CCN2: variants seen among roughly 807,000 people sequenced by gnomAD.
CCN2 encodes cellular communication network factor 2, also known as CCN family member 2.
In CCN2, 22 loss-of-function variants were observed where a neutral mutation model predicts 33.2. The observed-to-expected ratio is 0.66, with a 90% CI of 0.47 to 0.95. The LOEUF is 0.95. Ranked by LOEUF, CCN2 falls within the 40% of genes least tolerant of loss-of-function variation. The pLI is 0.00. For missense variants in CCN2, 469 were observed against 498.8 expected (o/e 0.94, Z 0.57); for synonymous variants, 178 against 200.6 (o/e 0.89, Z 0.95).
chr6:131,949,884 C>T (rs1783076217), intron 4 of CCN2, 65 bp downstream of exon 4: 1 of 1,488,466 alleles, frequency 6.7e-7, no homozygotes, highest in Non-Finnish European at 9.3e-7. Flanking sequence ...GTGGCAAGAG[C>T]CCTAAGTTGG....
rs1412863872 is a variant in CCN2, at chr6:131,950,585, G to A, written c.290-42C>T. The A allele has an allele frequency of 1.3e-6, 2 of 1,599,378 alleles. No individual in the cohort carries two copies. The highest frequency in any genetic ancestry group is 8.5e-7 in the Non-Finnish European group (1 of 1,171,754). On this transcript the variant is annotated intron_variant, in intron 2 of 4. Coordinates refer to ENST00000367976, the MANE Select transcript of CCN2 (RefSeq NM_001901.4). This position sits in a 1 kb window ranked among gnomAD's most constrained non-coding sequence, Gnocchi z 7.1. Reference sequence around the variant, plus strand: ...GAAGAGAGGGGTGGGGGATGCAGAGGTCAGGCATTGGGGCACTCTCACATC... The same window carrying A: ...GAAGAGAGGGGTGGGGGATGCAGAGATCAGGCATTGGGGCACTCTCACATC...
rs1562204322 is a variant in CCN2 at position 131,950,154 on chromosome 6, CG to C, written c.547del (p.Arg183AspfsTer12). 6.2e-7 allele frequency: 1 copy of C among 1,614,194 alleles called. No individual in the cohort carries two copies. The part of the protein sequence containing the change: ...TVVGPALAAY[R>X]LEDTFGPDPT... ...GTCTGGGCCAAACGTGTCTTCCAGT[CG>C]GTAAGCTGCGAGAGCAGAGCACACA... is the stretch of plus-strand genomic sequence containing the variant. On this transcript the variant is annotated frameshift_variant, in exon 4 of 5. Transcript: ENST00000367976. LOFTEE classifies it high-confidence loss of function. The surrounding 1 kb of genome is among the most constrained non-coding windows in gnomAD (Gnocchi z 7.1).
Position 131,949,150 on chromosome 6 carries a change from G to T in CCN2, c.*114C>A. 4 of 960,368 alleles carry T rather than the reference G, an allele frequency of 4.2e-6. No individual in the cohort carries two copies. The highest frequency in any genetic ancestry group is 6.3e-6 in the Non-Finnish European group (4 of 630,854). 59.5% of individuals were successfully genotyped at this position (960,368 alleles called of 1,614,324 possible). A position where few individuals can be genotyped will look rare whatever the true frequency, so the allele number is the denominator to read the frequency against. ...AATTGGGTGGGAATCTTTTCCCCCA[G>T]TTAGAAAAACAGATTTAAATAACTT... is the stretch of plus-strand genomic sequence containing the variant. On this transcript the variant is annotated 3_prime_UTR_variant, in exon 5 of 5. Transcript: ENST00000367976.
In CCN2 at chr6:131,949,576, GA is replaced by G; in HGVS notation, c.754-17del. 1 of 1,106,208 alleles carries G rather than the reference GA, an allele frequency of 9.0e-7. No homozygotes were observed. Among genetic ancestry groups the G allele is most frequent in the Non-Finnish European group, 1.3e-6 (1 of 786,632 alleles). The allele number at this position is 1,106,208 out of a possible 1,614,324, so 68.5% of individuals were successfully genotyped here. A position where few individuals can be genotyped will look rare whatever the true frequency, so the allele number is the denominator to read the frequency against. Reference sequence around the variant, plus strand: ...TTTTGCCCTTCTAAGGAAGACAAGGGAAAAGAGAGAGGAAAAAAAAAAATCA... The same window carrying G: ...TTTTGCCCTTCTAAGGAAGACAAGGGAAAGAGAGAGGAAAAAAAAAAATCA... On this transcript the variant is annotated splice_polypyrimidine_tract_variant and intron_variant, in intron 4 of 4. Transcript: ENST00000367976.
At position 131,950,267 on chromosome 6, in the gene CCN2, T is replaced by C. The variant is rs1410977985; in HGVS notation, c.541+25A>G. On this transcript the variant is annotated intron_variant, in intron 3 of 4. Transcript: ENST00000367976. This position sits in a 1 kb window ranked among gnomAD's most constrained non-coding sequence, Gnocchi z 7.1. ...CCTCCCTGGGAGAGAATCACGACCC[T>C]GACTTAGAGGAAGACTCGACTCACC... 1.9e-6 allele frequency: 3 copies of C among 1,610,948 alleles called. No individual in the cohort carries two copies. In the South Asian group the frequency reaches 3.3e-5, roughly 18 times the overall value.
chr6:131,949,639 T>C, intron 4 of CCN2, 79 bp from the exon 5 acceptor site: 1 of 1,314,976 alleles, frequency 7.6e-7, no homozygotes, highest in Non-Finnish European at 1.1e-6. Flanking sequence ...TTCAACCCTC[T>C]GTGTTTTAGT....
intron 4 of CCN2, among the ~76,000 whole-genome samples, 188 bp downstream of exon 4, chr6:131,949,761 T>G (rs1468332371): frequency 2.6e-5 from 4 of 152,198 alleles, no homozygotes; most frequent in African/African-American, 7.2e-5. Context: ...TAACTAACCC[T>G]GTGGAAGATT....
At chr6:131,951,055 C>T in intron 1 of CCN2, 52 bp downstream of exon 1, 5 of 1,277,472 alleles carry the variant, frequency 3.9e-6, no homozygotes, top group Non-Finnish European at 4.9e-6. Flanking sequence ...CCGGCCGGCC[C>T]CGAGTCCCTC....
rs780800899 is a variant in CCN2, at chr6:131,950,530, A to G, written c.303T>C (p.Ala101=). ...ACACCGTACCACCGAAGATGCAGGG[A>G]GCACCATCTTTGGCTGGAGAAGAGG... The part of the protein sequence containing the change: ...KIGVCTAKDG[A]PCIFGGTVYR... Residue 101 remains alanine (A), a synonymous_variant, in exon 3 of 5, where the codon GCT becomes GCC. Coordinates refer to ENST00000367976, the MANE Select transcript of CCN2 (RefSeq NM_001901.4). The surrounding 1 kb of genome is among the most constrained non-coding windows in gnomAD (Gnocchi z 7.1). 1.2e-6 allele frequency: 2 copies of G among 1,613,264 alleles called. No individual in the cohort carries two copies. The highest frequency in any genetic ancestry group is 2.2e-5 in the South Asian group (2 of 91,032).
Position 131,950,501 on chromosome 6 carries a change from C to G in CCN2, c.332G>C (p.Arg111Pro). The G allele has an allele frequency of 6.2e-7, 1 of 1,613,722 alleles. No homozygotes were observed. The highest frequency in any genetic ancestry group is 8.5e-7 in the Non-Finnish European group (1 of 1,179,998). ...APCIFGGTVY[R>P]SGESFQSSCK... ...GCTGCTCTGGAAGGACTCTCCGCTG[C>G]GGTACACCGTACCACCGAAGATGCA... Residue 111 changes from arginine (R) to proline (P), a missense_variant, in exon 3 of 5, where the codon CGC becomes CCC. Transcript: ENST00000367976. The surrounding 1 kb of genome is among the most constrained non-coding windows in gnomAD (Gnocchi z 7.1).
At chr6:131,949,713 C>A (rs979052682) in intron 4 of CCN2, among the ~76,000 whole-genome samples, 153 bp from the exon 5 acceptor site, 1 of 152,068 alleles carries the variant, frequency 6.6e-6, no homozygotes, top group Non-Finnish European at 1.5e-5. Flanking sequence ...TTTGCTATGT[C>A]CAAAAATAGC....
chr6:131,950,917 T>C lies in CCN2; in HGVS notation c.142A>G (p.Ser48Gly). The C allele has an allele frequency of 6.8e-7, 1 of 1,480,546 alleles. No homozygotes were observed. Among genetic ancestry groups the C allele is most frequent in the Non-Finnish European group, 8.9e-7 (1 of 1,125,330 alleles). The allele number at this position is 1,480,546 out of a possible 1,614,324, so 91.7% of individuals were successfully genotyped here. A position where few individuals can be genotyped will look rare whatever the true frequency, so the allele number is the denominator to read the frequency against. Reference sequence around the variant, plus strand: ...CAGCCGCAGCCGTCCAGCACGAGGCTCACGCCCGCCGGGCAGCGCGGCGCC... The same window carrying C: ...CAGCCGCAGCCGTCCAGCACGAGGCCCACGCCCGCCGGGCAGCGCGGCGCC... Reference protein sequence around the residue: ...EPAPRCPAGVSLVLDGCGCCR... With the variant: ...EPAPRCPAGVGLVLDGCGCCR... The change falls in exon 2 of 5, where the codon AGC becomes GGC. Residue 48 changes from serine to glycine, a missense_variant. Physicochemically the swap from Ser to Gly is moderately conservative, Grantham distance 56. Coordinates refer to ENST00000367976, the MANE Select transcript of CCN2 (RefSeq NM_001901.4). This position sits in a 1 kb window ranked among gnomAD's most constrained non-coding sequence, Gnocchi z 7.1.
chr6:131,950,991 G>T lies in CCN2; in HGVS notation c.68C>A (p.Pro23Gln). The part of the protein sequence containing the change: ...FVVLLALCSR[P>Q]AVGQNCSGPC... The stretch of plus-strand genomic sequence containing the variant: ...CCCGCTGCAGTTCTGGCCGACGGCC[G>T]GCTGCAGGGAGGACAGGGCGGTCAG... The change falls in exon 2 of 5, where the codon CCG becomes CAG. Residue 23 changes from proline to glutamine, a missense_variant and splice_region_variant. By Grantham distance (76) the Pro-to-Gln change is moderately conservative. Coordinates refer to ENST00000367976, the MANE Select transcript of CCN2 (RefSeq NM_001901.4). The surrounding 1 kb of genome is among the most constrained non-coding windows in gnomAD (Gnocchi z 7.1). The T allele has an allele frequency of 7.6e-7, 1 of 1,313,636 alleles. No homozygotes were observed. Among genetic ancestry groups the T allele is most frequent in the Non-Finnish European group, 9.6e-7 (1 of 1,041,122 alleles). 81.4% of individuals were successfully genotyped at this position (1,313,636 alleles called of 1,614,324 possible). A position where few individuals can be genotyped will look rare whatever the true frequency, so the allele number is the denominator to read the frequency against.
chr6:131,950,841 G>C lies in CCN2; in HGVS notation c.218C>G (p.Pro73Arg). 2 of 1,536,654 alleles carry C rather than the reference G, an allele frequency of 1.3e-6. No individual in the cohort carries two copies. The highest frequency in any genetic ancestry group is 8.7e-7 in the Non-Finnish European group (1 of 1,148,300). The stretch of plus-strand genomic sequence containing the variant: ...GAATAGGCCCTTGTGCGGGTCGCAT[G>C]GGTCGCGCTCGGTGCACAGCTCGCC... ...QLGELCTERD[P>R]CDPHKGLFCH... Residue 73 changes from proline (P) to arginine (R), a missense_variant, in exon 2 of 5, where the codon CCA becomes CGA. Coordinates refer to ENST00000367976, the MANE Select transcript of CCN2 (RefSeq NM_001901.4). This position sits in a 1 kb window ranked among gnomAD's most constrained non-coding sequence, Gnocchi z 7.1.
Position 131,949,970 on chromosome 6 carries a change from A to C in CCN2, c.732T>G (p.Ala244=), listed in dbSNP as rs747310463. 1.2e-6 allele frequency: 2 copies of C among 1,614,204 alleles called. No homozygotes were observed. The highest frequency in any genetic ancestry group is 1.7e-5 in the Admixed American group (1 of 60,030). Reference sequence around the variant, plus strand: ...GTACCTTAATGTTCTCTTCCAGGTCAGCTTCGCAAGGCCTGACCATGCACA... The same window carrying C: ...GTACCTTAATGTTCTCTTCCAGGTCCGCTTCGCAAGGCCTGACCATGCACA... ...SRLCMVRPCE[A]DLEENIKKGK... Residue 244 remains alanine, a synonymous_variant, in exon 4 of 5, where the codon GCT becomes GCG. Transcript: ENST00000367976.
In CCN2 at chr6:131,949,114, A is replaced by G. The variant is rs1783060253; in HGVS notation, c.*150T>C. ...TGATAGACTATTTGTTTGACATGGCACAATGTTTTGAATTGGGTGGGAATC... is the reference window on the plus strand; with the variant it reads ...TGATAGACTATTTGTTTGACATGGCGCAATGTTTTGAATTGGGTGGGAATC... On this transcript the variant is annotated 3_prime_UTR_variant, in exon 5 of 5. Coordinates refer to ENST00000367976, the MANE Select transcript of CCN2 (RefSeq NM_001901.4). 1 of 703,082 alleles carries G rather than the reference A, an allele frequency of 1.4e-6. No individual in the cohort carries two copies. Among genetic ancestry groups the G allele is most frequent in the Admixed American group, 2.5e-5 (1 of 40,004 alleles). 43.6% of individuals were successfully genotyped at this position (703,082 alleles called of 1,614,324 possible).
Position 131,950,525 on chromosome 6 carries a change from C to T in CCN2, c.308G>A (p.Cys103Tyr). The change falls in exon 3 of 5, where the codon TGC becomes TAC. Residue 103 changes from cysteine (C) to tyrosine (Y), a missense_variant. Physicochemically the swap from Cys to Tyr is radical, Grantham distance 194. Transcript: ENST00000367976. The surrounding 1 kb of genome is among the most constrained non-coding windows in gnomAD (Gnocchi z 7.1). ...GCGGTACACCGTACCACCGAAGATG[C>T]AGGGAGCACCATCTTTGGCTGGAGA... is the stretch of plus-strand genomic sequence containing the variant. ...GVCTAKDGAP[C>Y]IFGGTVYRSG... 6.2e-7 allele frequency: 1 copy of T among 1,613,492 alleles called. No individual in the cohort carries two copies. The highest frequency in any genetic ancestry group is 1.1e-5 in the South Asian group (1 of 91,052).
rs1337470424 is a variant in CCN2 at position 131,950,262 on chromosome 6, G to A, written c.541+30C>T. 2 of 1,610,368 alleles carry A rather than the reference G, an allele frequency of 1.2e-6. No individual in the cohort carries two copies. Among genetic ancestry groups the A allele is most frequent in the East Asian group, 2.2e-5 (1 of 44,774 alleles). Reference sequence around the variant, plus strand: ...GACTCCCTCCCTGGGAGAGAATCACGACCCTGACTTAGAGGAAGACTCGAC... The same window carrying A: ...GACTCCCTCCCTGGGAGAGAATCACAACCCTGACTTAGAGGAAGACTCGAC... On this transcript the variant is annotated intron_variant, in intron 3 of 4. Coordinates refer to ENST00000367976, the MANE Select transcript of CCN2 (RefSeq NM_001901.4). The surrounding 1 kb of genome is among the most constrained non-coding windows in gnomAD (Gnocchi z 7.1).
chr6:131,950,947 C>G lies in CCN2; in HGVS notation c.112G>C (p.Glu38Gln), dbSNP rs1013718997. ...CCCGCCGGGCAGCGCGGCGCCGGCT[C>G]GTCCGGGCACCGGCACGGCCCGCTG... is the stretch of plus-strand genomic sequence containing the variant. ...NCSGPCRCPD[E>Q]PAPRCPAGVS... Residue 38 changes from glutamate to glutamine, a missense_variant, in exon 2 of 5, where the codon GAG (glutamate) becomes CAG (glutamine). Physicochemically the swap from Glu to Gln is conservative, Grantham distance 29. Transcript: ENST00000367976. The surrounding 1 kb of genome is among the most constrained non-coding windows in gnomAD (Gnocchi z 7.1). 1 of 1,395,226 alleles carries G rather than the reference C, an allele frequency of 7.2e-7. No individual in the cohort carries two copies. Among genetic ancestry groups the G allele is most frequent in the Non-Finnish European group, 9.2e-7 (1 of 1,085,754 alleles). 86.4% of individuals were successfully genotyped at this position (1,395,226 alleles called of 1,614,324 possible). A position where few individuals can be genotyped will look rare whatever the true frequency, so the allele number is the denominator to read the frequency against.
Sources: allele counts gnomAD v4.1 joint callset (sites outside exome capture counted in the v4.1 genomes callset), GRCh38; gene constraint gnomAD v4.1.1; non-coding constraint Gnocchi (gnomAD v3.1); transcripts MANE v1.5; gene names NCBI Gene and HGNC (gene_info 2026-07-23, HGNC 2026-07-21).